Variants in NALF1 observed in about 807,000 individuals in gnomAD.
NALF1 encodes NALCN channel auxiliary factor 1.
Under a neutral mutation model 48.4 loss-of-function variants are expected in NALF1, and 3 were observed. The observed-to-expected ratio is 0.06, with a 90% CI of 0.03 to 0.16. The LOEUF is 0.16. NALF1 is among the 10% of genes least tolerant of loss of function. The probability of loss-of-function intolerance (pLI) is 1.00; values close to 1 mark genes in which losing one functional copy is unlikely to be tolerated. For synonymous variants in NALF1, 262 were observed against 245.7 expected, an observed-to-expected ratio of 1.07 and a Z score of -0.62; for missense variants, 526 against 571.5, an observed-to-expected ratio of 0.92 and a Z score of 0.81.
intron 1 of NALF1, among the ~76,000 whole-genome samples, chr13:107,337,043 C>CAAAAAAAAAAA (rs60969406): frequency 8.7e-6 from 1 of 114,830 alleles, no homozygotes; most frequent in African/African-American, 4.0e-5. Flanking sequence ...TTTCATTCCC[C>CAAAAAAAAAAA]AAAAAAAAAA....
At chr13:107,296,225 T>G (rs969801380) in intron 1 of NALF1, among the ~76,000 whole-genome samples, 1 of 152,238 alleles carries the variant, frequency 6.6e-6, no homozygotes, top group African/African-American at 2.4e-5. Context: ...AAAAGAGTAT[T>G]TGTAATACAT....
At chr13:107,664,007 C>G (rs1880795857) in intron 1 of NALF1, among the ~76,000 whole-genome samples, 1 of 152,182 alleles carries the variant, frequency 6.6e-6, no homozygotes, top group Non-Finnish European at 1.5e-5. Flanking sequence ...ATGTATACCT[C>G]TAGCTCAGAA....
chr13:107,446,479 C>G (rs1055941931), intron 1 of NALF1, among the ~76,000 whole-genome samples: 4 of 151,812 alleles, frequency 2.6e-5, no homozygotes, highest in African/African-American at 9.7e-5. Context: ...ATACTGTGCT[C>G]GTTACTTTCT....
At chr13:107,662,469 G>A (rs1362351721) in intron 1 of NALF1, among the ~76,000 whole-genome samples, 1 of 152,132 alleles carries the variant, frequency 6.6e-6, no homozygotes, top group African/African-American at 2.4e-5. Flanking sequence ...TCTGTTAATA[G>A]GGAAAATTAA....
chr13:107,743,656 G>A (rs7985358), intron 1 of NALF1, among the ~76,000 whole-genome samples: 7,062 of 152,276 alleles, frequency 0.046, 326 homozygotes, highest in African/African-American at 0.12. Flanking sequence ...AGATAGCCAC[G>A]AAGCAATTCC....
intron 1 of NALF1, among the ~76,000 whole-genome samples, chr13:107,493,923 C>T (rs965537040): frequency 2.6e-5 from 4 of 152,170 alleles, no homozygotes; most frequent in African/African-American, 7.2e-5. Context: ...CATATACATG[C>T]ACACACACAG....
intron 1 of NALF1, among the ~76,000 whole-genome samples, chr13:107,567,113 A>C (rs1877834581): frequency 1.3e-5 from 2 of 152,224 alleles, no homozygotes; most frequent in African/African-American, 4.8e-5. Flanking sequence ...CAGTTTAATG[A>C]ACATTCTTCC....
rs372171261 is a variant in NALF1, at chr13:107,170,527, C to T, written c.1347G>A (p.Thr449=). ...TAGLSFGGIN[T]LEENSTNEE ...CCTCATTGGTTGAGTTTTCTTCCAG[C>T]GTGTTGATGCCTCCAAAGCTCAGTC... Residue 449 remains threonine, a synonymous_variant, in exon 3 of 3, where the codon ACG becomes ACA. Coordinates refer to ENST00000375915, the MANE Select transcript of NALF1 (RefSeq NM_001080396.3). 2.5e-4 allele frequency: 400 copies of T among 1,605,002 alleles called. 2 individuals carry two copies. The highest frequency in any genetic ancestry group is 3.2e-4 in the Non-Finnish European group (379 of 1,173,188).
At chr13:107,825,045 T>G (rs913519462) in intron 1 of NALF1, among the ~76,000 whole-genome samples, 3 of 152,196 alleles carry the variant, frequency 2.0e-5, no homozygotes, top group Non-Finnish European at 2.9e-5. Flanking sequence ...CAATAGTATT[T>G]TGGATATTTA....
chr13:107,646,254 C>CTT (rs1880311412), intron 1 of NALF1, among the ~76,000 whole-genome samples: 1 of 151,360 alleles, frequency 6.6e-6, no homozygotes, highest in Non-Finnish European at 1.5e-5. Context: ...ATCCTGTACT[C>CTT]TTTCACATAC....
chr13:107,630,279 C>T lies in NALF1; in HGVS notation c.915+235403G>A, dbSNP rs1006104669. 2.6e-5 allele frequency among the ~76,000 whole-genome samples: 4 copies of T among 152,232 alleles called. No individual in the cohort carries two copies. In the East Asian group the frequency reaches 7.7e-4, roughly 29 times the overall value. The stretch of plus-strand genomic sequence containing the variant: ...TTACCTCTGTCCAACTCTTTGAATC[C>T]ACTGCACAATTCCAGGCAGCATTCT... On this transcript the variant is annotated intron_variant, in intron 1 of 2. Transcript: ENST00000375915.
At chr13:107,672,134 T>G (rs865870415) in intron 1 of NALF1, among the ~76,000 whole-genome samples, 9 of 152,256 alleles carry the variant, frequency 5.9e-5, no homozygotes, top group Middle Eastern at 3.4e-3. Flanking sequence ...TATTCATCAA[T>G]TAACACTCTG....
chr13:107,368,059 C>T (rs1241858797), intron 1 of NALF1, among the ~76,000 whole-genome samples: 1 of 152,100 alleles, frequency 6.6e-6, no homozygotes, highest in Non-Finnish European at 1.5e-5. Context: ...GTTCTGTGTA[C>T]TTATTTTTAG....
At chr13:107,473,977 A>G (rs749541449) in intron 1 of NALF1, among the ~76,000 whole-genome samples, 27 of 152,140 alleles carry the variant, frequency 1.8e-4, no homozygotes, top group Admixed American at 1.2e-3. Context: ...GGATAAGGAC[A>G]TGGTCTCCCC....
intron 1 of NALF1, among the ~76,000 whole-genome samples, chr13:107,841,804 T>TA (rs1566503004): frequency 6.6e-6 from 1 of 152,110 alleles, no homozygotes; most frequent in African/African-American, 2.4e-5. Context: ...CGCCTTTTTT[T>TA]ATAATATTTC....
At chr13:107,615,028 C>T (rs929754754) in intron 1 of NALF1, among the ~76,000 whole-genome samples, 33 of 152,110 alleles carry the variant, frequency 2.2e-4, no homozygotes, top group African/African-American at 8.0e-4. Context: ...CCACCTGCCT[C>T]AGCCTCCCAA....
chr13:107,698,991 T>C (rs1390947061), intron 1 of NALF1, among the ~76,000 whole-genome samples: 1 of 152,132 alleles, frequency 6.6e-6, no homozygotes, highest in Non-Finnish European at 1.5e-5. Context: ...CTTGTATTTT[T>C]ACAAGTGGAA....
At chr13:107,328,276 AC>A (rs1432253791) in intron 1 of NALF1, among the ~76,000 whole-genome samples, 2 of 25,300 alleles carry the variant, frequency 7.9e-5, no homozygotes, top group African/African-American at 5.5e-4. Context: ...CCTGCAATAC[AC>A]ACACACACAC....
At chr13:107,340,488 T>TC (rs753373252) in intron 1 of NALF1, among the ~76,000 whole-genome samples, 10,060 of 40,970 alleles carry the variant, frequency 0.25, 452 homozygotes, top group Non-Finnish European at 0.39. Flanking sequence ...TTTCTTTCTT[T>TC]TTGTCTTTCT....
Sources: allele counts gnomAD v4.1 joint callset (sites outside exome capture counted in the v4.1 genomes callset), GRCh38; gene constraint gnomAD v4.1.1; transcripts MANE v1.5; gene names NCBI Gene and HGNC (gene_info 2026-07-23, HGNC 2026-07-21).